NCK2: variants seen among roughly 807,000 people sequenced by gnomAD.
NCK2 encodes NCK adaptor protein 2.
In NCK2, 16 loss-of-function variants were observed where a neutral mutation model predicts 33.9. The observed-to-expected ratio is 0.47, with a 90% CI of 0.32 to 0.72. NCK2 has a LOEUF of 0.72. NCK2 is among the 30% of genes least tolerant of loss of function. The probability of loss-of-function intolerance (pLI) is 0.03; values close to 1 mark genes in which losing one functional copy is unlikely to be tolerated. For missense variants in NCK2, 418 were observed against 537.3 expected (o/e 0.78, Z 2.19); for synonymous variants, 273 against 239.9 (o/e 1.14, Z -1.27).
At chr2:105,750,421 A>G (rs1689422490) in intron 1 of NCK2, among the ~76,000 whole-genome samples, 1 of 152,202 alleles carries the variant, frequency 6.6e-6, no homozygotes, top group Admixed American at 6.5e-5. Flanking sequence ...ATATGAATTT[A>G]GGGTGGACAA....
chr2:105,799,101 G>C (rs563540976), intron 1 of NCK2, among the ~76,000 whole-genome samples: 3 of 152,006 alleles, frequency 2.0e-5, no homozygotes, highest in African/African-American at 7.2e-5. Context: ...AGAAGCTCTC[G>C]CTGTGTCCTG....
chr2:105,816,214 G>C (rs150101967), intron 1 of NCK2, among the ~76,000 whole-genome samples: 26 of 152,348 alleles, frequency 1.7e-4, no homozygotes, highest in African/African-American at 5.8e-4. Context: ...ACTTAGGCAG[G>C]AGGATCACTT....
chr2:105,777,877 G>C (rs142424998), intron 1 of NCK2, among the ~76,000 whole-genome samples: 5 of 152,310 alleles, frequency 3.3e-5, no homozygotes, highest in Non-Finnish European at 5.9e-5. Flanking sequence ...ATCGGTACTG[G>C]GGTGACAGCT....
chr2:105,781,787 G>A (rs1191746335), intron 1 of NCK2, among the ~76,000 whole-genome samples: 1 of 152,194 alleles, frequency 6.6e-6, no homozygotes, highest in Non-Finnish European at 1.5e-5. Context: ...AAAATTTGTA[G>A]ACATGTCTGT....
chr2:105,827,837 A>G (rs191398951), intron 2 of NCK2, among the ~76,000 whole-genome samples: 5 of 152,364 alleles, frequency 3.3e-5, no homozygotes, highest in Non-Finnish European at 7.3e-5. Flanking sequence ...GTGTGACTGT[A>G]CAAGGGATAA....
intron 2 of NCK2, among the ~76,000 whole-genome samples, chr2:105,819,937 T>C (rs1675660017): frequency 6.6e-6 from 1 of 152,062 alleles, no homozygotes; most frequent in African/African-American, 2.4e-5. Flanking sequence ...ATAGATAAAA[T>C]ATAGTCCCAG....
intron 1 of NCK2, among the ~76,000 whole-genome samples, chr2:105,763,750 T>G (rs1323423600): frequency 6.6e-6 from 1 of 152,224 alleles, no homozygotes; most frequent in African/African-American, 2.4e-5. Context: ...TCAGCCGTGT[T>G]GTGGCAAAAT....
At position 105,893,183 on chromosome 2, in the gene NCK2, C is replaced by G; in HGVS notation, c.*7C>G. 1 of 1,577,568 alleles carries G rather than the reference C, an allele frequency of 6.3e-7. No individual in the cohort carries two copies. The highest frequency in any genetic ancestry group is 8.6e-7 in the Non-Finnish European group (1 of 1,160,966). On this transcript the variant is annotated 3_prime_UTR_variant, in exon 5 of 5. Coordinates refer to ENST00000233154, the MANE Select transcript of NCK2 (RefSeq NM_003581.5). ...CGTCAGGGCCCTGCAGTGACGGCGC[C>G]CCGGCCCCACACTCGCCTCCCGGGC... is the stretch of plus-strand genomic sequence containing the variant.
intron 2 of NCK2, among the ~76,000 whole-genome samples, chr2:105,843,211 T>G (rs1676716803): frequency 6.6e-6 from 1 of 152,108 alleles, no homozygotes; most frequent in Non-Finnish European, 1.5e-5. Context: ...TATTTATGTT[T>G]CATATATATA....
At chr2:105,815,536 A>G (rs1174170352) in intron 1 of NCK2, among the ~76,000 whole-genome samples, 1 of 152,204 alleles carries the variant, frequency 6.6e-6, no homozygotes, top group East Asian at 1.9e-4. Flanking sequence ...GGTCCCCTCG[A>G]AAACGTTAGT....
At chr2:105,821,912 G>A (rs17020943) in intron 2 of NCK2, among the ~76,000 whole-genome samples, 3,376 of 149,480 alleles carry the variant, frequency 0.023, 123 homozygotes, top group African/African-American at 0.076. Flanking sequence ...ACCAGCCCAC[G>A]TTCCTTCTGC....
chr2:105,760,504 C>G (rs2173883), intron 1 of NCK2, among the ~76,000 whole-genome samples: 35,357 of 152,112 alleles, frequency 0.23, 5,124 homozygotes, highest in African/African-American at 0.4. Context: ...TCCATCCTTG[C>G]CGTTCACACC....
At chr2:105,870,278 C>A (rs909107180) in intron 3 of NCK2, among the ~76,000 whole-genome samples, 2 of 152,224 alleles carry the variant, frequency 1.3e-5, no homozygotes, top group Admixed American at 6.5e-5. Context: ...AGGCAGGGGG[C>A]CAGCAGCCCT....
chr2:105,885,977 A>G (rs1476860173), intron 4 of NCK2, among the ~76,000 whole-genome samples: 1 of 152,006 alleles, frequency 6.6e-6, no homozygotes, highest in Non-Finnish European at 1.5e-5. Context: ...GTTTCTGCTG[A>G]TGAATTAGGA....
At chr2:105,746,520 C>T (rs1689293202) in intron 1 of NCK2, among the ~76,000 whole-genome samples, 1 of 152,216 alleles carries the variant, frequency 6.6e-6, no homozygotes, top group African/African-American at 2.4e-5. Context: ...CGGAACTGTG[C>T]GTGTGAACAC....
At position 105,893,351 on chromosome 2, in the gene NCK2, C is replaced by T. The variant is rs1234750189; in HGVS notation, c.*175C>T. 3.3e-6 allele frequency: 2 copies of T among 599,982 alleles called. No homozygotes were observed. Among genetic ancestry groups the T allele is most frequent in the Non-Finnish European group, 5.7e-6 (2 of 349,032 alleles). The allele number at this position is 599,982 out of a possible 1,614,324, so 37.2% of individuals were successfully genotyped here. On this transcript the variant is annotated 3_prime_UTR_variant, in exon 5 of 5. Coordinates refer to ENST00000233154, the MANE Select transcript of NCK2 (RefSeq NM_003581.5). ...ATTTGCCATCCAGGCCTCACACCCA[C>T]ACTCGAGCCCACCCGGCCGGCCAGC...
chr2:105,790,408 G>A (rs1240362258), intron 1 of NCK2, among the ~76,000 whole-genome samples: 1 of 152,208 alleles, frequency 6.6e-6, no homozygotes, highest in East Asian at 1.9e-4. Context: ...AGGATGGGTA[G>A]CACTCTATGC....
At chr2:105,860,981 C>T (rs890244859) in intron 3 of NCK2, among the ~76,000 whole-genome samples, 7 of 151,720 alleles carry the variant, frequency 4.6e-5, no homozygotes, top group Admixed American at 6.6e-5. Flanking sequence ...CGTTGTGGAT[C>T]CCGAAAGAAG....
intron 2 of NCK2, among the ~76,000 whole-genome samples, chr2:105,821,540 C>A (rs1018564981): frequency 6.6e-6 from 1 of 152,112 alleles, no homozygotes; most frequent in African/African-American, 2.4e-5. Flanking sequence ...GCGGATAAAT[C>A]TGTGGTAATT....
Sources: gnomAD v4.1 joint callset for allele counts (sites outside exome capture counted in the v4.1 genomes callset) on GRCh38, gnomAD v4.1.1 for gene constraint, MANE v1.5 for transcripts, NCBI Gene and HGNC (gene_info 2026-07-23, HGNC 2026-07-21) for gene names.